Variants in SLC1A7 observed in about 807,000 individuals in gnomAD.
The protein encoded by SLC1A7 is solute carrier family 1 member 7, also known as excitatory amino acid transporter 5.
A neutral mutation model predicts 47.7 loss-of-function variants in SLC1A7; 40 were observed. That is an observed-to-expected ratio of 0.84 (90% CI 0.65 to 1.09). The LOEUF (loss-of-function observed/expected upper bound fraction) is 1.09. Among genes scored for constraint, SLC1A7 ranks in the 50% least tolerant of loss-of-function variants. The pLI is 0.00. For synonymous variants in SLC1A7, 323 were observed against 325.6 expected (o/e 0.99, Z 0.09); for missense variants, 746 against 769.5 (o/e 0.97, Z 0.36).
chr1:53,094,869 C>G (rs998867071), intron 5 of SLC1A7, among the ~76,000 whole-genome samples: 1 of 152,238 alleles, frequency 6.6e-6, no homozygotes, highest in Admixed American at 6.5e-5. Flanking sequence ...GGGGCTCCCT[C>G]ACGGCAGGGC....
chr1:53,121,190 A>C (rs1278535140), intron 2 of SLC1A7, among the ~76,000 whole-genome samples: 1 of 152,198 alleles, frequency 6.6e-6, no homozygotes, highest in Non-Finnish European at 1.5e-5. Context: ...TTAAAACCCA[A>C]GGTCTGGCAC....
rs1037863445 is a variant in SLC1A7, at chr1:53,129,227, G to A, written c.215+5123C>T. Among the ~76,000 whole-genome samples the A allele has an allele frequency of 1.5e-4, 14 of 94,682 alleles. 2 individuals carry two copies. The highest frequency in any genetic ancestry group is 4.7e-4 in the African/African-American group (12 of 25,764). The allele number at this position is 94,682 out of a possible 152,430, so 62.1% of individuals were successfully genotyped here. A position where few individuals can be genotyped will look rare whatever the true frequency, so the allele number is the denominator to read the frequency against. ...AAGAAAAACATGGGACATCCATAAC[G>A]TACCAGGAGCCATGCTGGGTCTTCA... On this transcript the variant is annotated intron_variant, in intron 2 of 10. Transcript: ENST00000371494.
At position 53,103,402 on chromosome 1, in the gene SLC1A7, G is replaced by A. The variant is rs778386427; in HGVS notation, c.641C>T (p.Pro214Leu). The A allele has an allele frequency of 3.1e-6, 5 of 1,611,042 alleles. No individual in the cohort carries two copies. Among genetic ancestry groups the A allele is most frequent in the South Asian group, 2.2e-5 (2 of 90,310 alleles). Reference sequence around the variant, plus strand: ...CACATTCATGCCATCGCTGGTGCCCGGCTCTGACTTGTAAACGACCTCGGG... The same window carrying A: ...CACATTCATGCCATCGCTGGTGCCCAGCTCTGACTTGTAAACGACCTCGGG... ...PPPEVVYKSE[P>L]GTSDGMNVLG... is the part of the protein sequence containing the mutation. The change falls in exon 5 of 11, where the codon CCG becomes CTG. Residue 214 changes from proline (P) to leucine (L), a missense_variant. Physicochemically the swap from Pro to Leu is moderately conservative, Grantham distance 98. Transcript: ENST00000371494.
chr1:53,104,352 G>A lies in SLC1A7; in HGVS notation c.475-784C>T, dbSNP rs576086955. Among the ~76,000 whole-genome samples the A allele has an allele frequency of 1.2e-3, 187 of 152,286 alleles. 1 individual carries two copies. The highest frequency in any genetic ancestry group is 4.1e-3 in the African/African-American group (170 of 41,552). ...TGGAAGCATTACTGCTACCATCATCGTCATCATCACGTTGAACACTCTGTG... is the reference window on the plus strand; with the variant it reads ...TGGAAGCATTACTGCTACCATCATCATCATCATCACGTTGAACACTCTGTG... On this transcript the variant is annotated intron_variant, in intron 4 of 10. Coordinates refer to ENST00000371494, the MANE Select transcript of SLC1A7 (RefSeq NM_006671.6).
intron 2 of SLC1A7, among the ~76,000 whole-genome samples, chr1:53,121,564 G>C (rs936084414): frequency 6.6e-6 from 1 of 152,252 alleles, no homozygotes; most frequent in African/African-American, 2.4e-5. Flanking sequence ...CAAGGCCCCC[G>C]ACAGCATGTG....
At chr1:53,098,856 ACT>A (rs1204707167) in intron 5 of SLC1A7, among the ~76,000 whole-genome samples, 13 of 147,510 alleles carry the variant, frequency 8.8e-5, no homozygotes, top group African/African-American at 2.5e-4. Flanking sequence ...ACACTTACAC[ACT>A]CTGCCTCATT....
rs186179577 is a variant in SLC1A7 at position 53,114,655 on chromosome 1, C to T, written c.431+103G>A. On this transcript the variant is annotated intron_variant, in intron 3 of 10. Transcript: ENST00000371494. ...AACCCACCAGGGTGATCATGGACTCCGTGATCACCCCCATCTCCACACCCC... is the reference window on the plus strand; with the variant it reads ...AACCCACCAGGGTGATCATGGACTCTGTGATCACCCCCATCTCCACACCCC... 85 of 959,146 alleles carry T rather than the reference C, an allele frequency of 8.9e-5. No homozygotes were observed. The East Asian group carries it at 1.7e-3, about 19-fold the overall frequency. The allele number at this position is 959,146 out of a possible 1,614,324, so 59.4% of individuals were successfully genotyped here.
intron 1 of SLC1A7, among the ~76,000 whole-genome samples, chr1:53,141,893 C>T (rs531393797): frequency 2.6e-5 from 4 of 152,226 alleles, no homozygotes; most frequent in South Asian, 2.1e-4. Flanking sequence ...CTCTGCGCTC[C>T]GGCCGCTGCA....
intron 3 of SLC1A7, among the ~76,000 whole-genome samples, chr1:53,114,219 T>A (rs1409987503): frequency 6.6e-6 from 1 of 152,164 alleles, no homozygotes; most frequent in African/African-American, 2.4e-5. Context: ...AGTGCTTCCC[T>A]GGAGAGGGAG....
chr1:53,090,570 C>G (rs201509369), intron 8 of SLC1A7, 42 bp downstream of exon 8: 2 of 1,512,202 alleles, frequency 1.3e-6, no homozygotes, highest in East Asian at 2.4e-5. Flanking sequence ...CCAAGGCCCC[C>G]AGCCCCCGCC....
intron 8 of SLC1A7, chr1:53,090,167 A>C: frequency 1.7e-6 from 1 of 601,358 alleles, no homozygotes; most frequent in Non-Finnish European, 3.0e-6. Context: ...CTGTGCAAAC[A>C]CCTGTGTCTG....
At chr1:53,139,619 T>C (rs961780314) in intron 1 of SLC1A7, among the ~76,000 whole-genome samples, 1 of 152,242 alleles carries the variant, frequency 6.6e-6, no homozygotes, top group Non-Finnish European at 1.5e-5. Flanking sequence ...TAGTGCAGCA[T>C]CTTGCTCTGT....
rs192041311 is a variant in SLC1A7 at position 53,123,898 on chromosome 1, G to A, written c.216-8925C>T. 2.9e-3 allele frequency among the ~76,000 whole-genome samples: 440 copies of A among 152,274 alleles called. 2 individuals carry two copies. The highest frequency in any genetic ancestry group is 9.7e-3 in the African/African-American group (405 of 41,552). ...CACACCAGAAGGTTCAGTGGAGCTC[G>A]CCAAACTGTGGCTACCCCCTGACTC... On this transcript the variant is annotated intron_variant, in intron 2 of 10. Coordinates refer to ENST00000371494, the MANE Select transcript of SLC1A7 (RefSeq NM_006671.6).
Position 53,114,877 on chromosome 1 carries a change from G to T in SLC1A7, c.312C>A (p.Val104=), listed in dbSNP as rs1644740220. 2 of 1,614,076 alleles carry T rather than the reference G, an allele frequency of 1.2e-6. No individual in the cohort carries two copies. Among genetic ancestry groups the T allele is most frequent in the South Asian group, 2.2e-5 (2 of 91,092 alleles). Reference sequence around the variant, plus strand: ...TGGAGACCATGAAGATGCCCACGATGACAGCCATGAAGGTGGTCCACAGGT... The same window carrying T: ...TGGAGACCATGAAGATGCCCACGATTACAGCCATGAAGGTGGTCCACAGGT... ...AYYLWTTFMA[V]IVGIFMVSII... is the part of the protein sequence containing the mutation. The change falls in exon 3 of 11, where the codon GTC becomes GTA. Residue 104 remains valine, a synonymous_variant. Transcript: ENST00000371494.
At chr1:53,112,743 G>C (rs1411683582) in intron 3 of SLC1A7, among the ~76,000 whole-genome samples, 2 of 152,172 alleles carry the variant, frequency 1.3e-5, no homozygotes. Context: ...GACCCAACAG[G>C]GTCACCCAGA....
chr1:53,105,716 C>G lies in SLC1A7; in HGVS notation c.474+16G>C. ...CTGCCCCTTCCCTCCCCTCCACTGC[C>G]CAGAGACTCACTCACCTGTTTGAAT... On this transcript the variant is annotated intron_variant, in intron 4 of 10. Coordinates refer to ENST00000371494, the MANE Select transcript of SLC1A7 (RefSeq NM_006671.6). 1 of 1,606,888 alleles carries G rather than the reference C, an allele frequency of 6.2e-7. No individual in the cohort carries two copies. The highest frequency in any genetic ancestry group is 1.1e-5 in the South Asian group (1 of 90,928).
At position 53,088,974 on chromosome 1, in the gene SLC1A7, C is replaced by T. The variant is rs776329055; in HGVS notation, c.1367G>A (p.Arg456His). 10 of 1,613,722 alleles carry T rather than the reference C, an allele frequency of 6.2e-6. No individual in the cohort carries two copies. The Admixed American group carries it at 8.3e-5, about 13-fold the overall frequency. Residue 456 changes from arginine to histidine, a missense_variant, in exon 10 of 11, where the codon CGT becomes CAT. Coordinates refer to ENST00000371494, the MANE Select transcript of SLC1A7 (RefSeq NM_006671.6). Reference sequence around the variant, plus strand: ...CAGCACGTTAATCATGGTGCGGAAACGGTCCCTGGTGAGCCAAGGTTGGGG... The same window carrying T: ...CAGCACGTTAATCATGGTGCGGAAATGGTCCCTGGTGAGCCAAGGTTGGGG... Reference protein sequence around the residue: ...LIIAVDWALDRFRTMINVLGD... With the variant: ...LIIAVDWALDHFRTMINVLGD...
intron 2 of SLC1A7, 127 bp downstream of exon 2, chr1:53,134,223 C>G: frequency 3.2e-6 from 2 of 628,206 alleles, no homozygotes; most frequent in Non-Finnish European, 5.6e-6. Context: ...CCATAAAGGC[C>G]CCACGGTCAC....
chr1:53,094,522 G>GTGGGA (rs1038249487), intron 5 of SLC1A7, among the ~76,000 whole-genome samples: 18 of 152,184 alleles, frequency 1.2e-4, no homozygotes, highest in Non-Finnish European at 2.1e-4. Context: ...ACCCTGGCCT[G>GTGGGA]TGGGACACCA....
Sources: gnomAD v4.1 joint callset for allele counts (sites outside exome capture counted in the v4.1 genomes callset) on GRCh38, gnomAD v4.1.1 for gene constraint, MANE v1.5 for transcripts, NCBI Gene and HGNC (gene_info 2026-07-23, HGNC 2026-07-21) for gene names.